SLC4A7: variants seen among roughly 807,000 people sequenced by gnomAD.
SLC4A7 encodes the protein sodium bicarbonate cotransporter 3.
SLC4A7 carries 51 observed loss-of-function variants against 137.6 expected under a neutral mutation model. That is an observed-to-expected ratio of 0.37 (90% CI 0.30 to 0.47). The LOEUF is 0.47. Among genes scored for constraint, SLC4A7 ranks in the 20% least tolerant of loss-of-function variants. The pLI is 1.00. For synonymous variants in SLC4A7, 542 were observed against 518.6 expected (o/e 1.05, Z -0.61); for missense variants, 1,247 against 1,525.4 (o/e 0.82, Z 3.04).
intron 1 of SLC4A7, among the ~76,000 whole-genome samples, chr3:27,461,024 C>G (rs1476199171): frequency 6.6e-6 from 1 of 152,110 alleles, no homozygotes; most frequent in Admixed American, 6.5e-5. Context: ...CAAGAGCAAA[C>G]ATACTAAAGT....
chr3:27,416,851 A>G (rs1426123596), intron 11 of SLC4A7, among the ~76,000 whole-genome samples: 1 of 152,230 alleles, frequency 6.6e-6, no homozygotes, highest in East Asian at 1.9e-4. Flanking sequence ...AACTGGTGAG[A>G]GACACTCCAT....
chr3:27,407,928 G>C (rs2053542514), intron 13 of SLC4A7, among the ~76,000 whole-genome samples: 1 of 152,098 alleles, frequency 6.6e-6, no homozygotes, highest in East Asian at 1.9e-4. Flanking sequence ...CACACTCTGG[G>C]ACCGTATCTC....
Position 27,434,097 on chromosome 3 carries a change from T to C in SLC4A7, c.597A>G (p.Val199=). ...ASTLDEIADM[V]LDNMIASGQL... ...GGCCAGAAGCTATCATGTTGTCTAA[T>C]ACCATATCTATTCAATGAAAAAAAA... The change falls in exon 6 of 26, where the codon GTA becomes GTG. Residue 199 remains valine (V), a synonymous_variant. Coordinates refer to ENST00000454389, the MANE Select transcript of SLC4A7 (RefSeq NM_001321103.2). 3 of 1,598,340 alleles carry C rather than the reference T, an allele frequency of 1.9e-6. No homozygotes were observed. Among genetic ancestry groups the C allele is most frequent in the Non-Finnish European group, 2.6e-6 (3 of 1,173,568 alleles).
At chr3:27,379,168 TGAAA>T (rs753442251) in intron 25 of SLC4A7, 77 bp downstream of exon 25, 23 of 717,784 alleles carry the variant, frequency 3.2e-5, no homozygotes, top group Admixed American at 8.5e-5. Context: ...AAATGATGGA[TGAAA>T]GAAAGAAAGG....
At chr3:27,443,788 T>A (rs1043261456) in intron 3 of SLC4A7, among the ~76,000 whole-genome samples, 8 of 152,228 alleles carry the variant, frequency 5.3e-5, no homozygotes, top group African/African-American at 1.9e-4. Flanking sequence ...GTTACCTGCC[T>A]GTACTATTTT....
At chr3:27,454,760 A>T (rs987863847) in intron 1 of SLC4A7, among the ~76,000 whole-genome samples, 1 of 152,226 alleles carries the variant, frequency 6.6e-6, no homozygotes, top group African/African-American at 2.4e-5. Flanking sequence ...CATACTGCCT[A>T]TTCTAAAAGG....
In SLC4A7 at chr3:27,409,348, G is replaced by A. The variant is rs1195959685; in HGVS notation, c.1941+8C>T. ...AAAAGCCTGGCCACTACCAATCTTT[G>A]TACTCACTATTCTGCCTTCTGTAGC... On this transcript the variant is annotated splice_region_variant and intron_variant, in intron 13 of 25. Transcript: ENST00000454389. 6.3e-7 allele frequency: 1 copy of A among 1,595,894 alleles called. No homozygotes were observed. The highest frequency in any genetic ancestry group is 1.8e-5 in the Admixed American group (1 of 55,808).
In SLC4A7 at chr3:27,436,530, C is replaced by T. The variant is rs2056750641; in HGVS notation, c.447G>A (p.Glu149=). The T allele has an allele frequency of 1.2e-6, 2 of 1,608,574 alleles. No individual in the cohort carries two copies. The highest frequency in any genetic ancestry group is 1.7e-6 in the Non-Finnish European group (2 of 1,176,860). ...ATCGGTCACCGCCATCTTCAACATC[C>T]TCTTCAAATTTCAGCCATCTGAATG... is the stretch of plus-strand genomic sequence containing the variant. ...KETARWLKFE[E]DVEDGGDRWS... is the part of the protein sequence containing the mutation. Residue 149 remains glutamate, a synonymous_variant, in exon 5 of 26, where the codon GAG becomes GAA. Coordinates refer to ENST00000454389, the MANE Select transcript of SLC4A7 (RefSeq NM_001321103.2).
chr3:27,380,030 C>T (rs534315162), intron 24 of SLC4A7, among the ~76,000 whole-genome samples: 170 of 152,230 alleles, frequency 1.1e-3, no homozygotes, highest in Admixed American at 3.5e-3. Flanking sequence ...CAGAGTAGGC[C>T]GGGCATGGTG....
At chr3:27,404,146 G>A (rs769684436) in intron 14 of SLC4A7, among the ~76,000 whole-genome samples, 1 of 152,228 alleles carries the variant, frequency 6.6e-6, no homozygotes, top group Non-Finnish European at 1.5e-5. Context: ...CGAGGCAGGT[G>A]GAACACTTGA....
chr3:27,403,790 C>T (rs1184025568), intron 14 of SLC4A7, among the ~76,000 whole-genome samples: 1 of 151,816 alleles, frequency 6.6e-6, no homozygotes, highest in East Asian at 1.9e-4. Flanking sequence ...TCATATGTAT[C>T]AATACAGTAA....
chr3:27,395,164 C>T lies in SLC4A7; in HGVS notation c.2704-49G>A, dbSNP rs374261508. ...TTCAAAAAGTCTCCTTGCTGTATTG[C>T]ACTAAATTTCCATAACATAGACTTG... On this transcript the variant is annotated intron_variant, in intron 18 of 25. Transcript: ENST00000454389. 1.4e-5 allele frequency: 19 copies of T among 1,371,252 alleles called. No homozygotes were observed. The African/African-American group carries it at 2.2e-4, about 16-fold the overall frequency. 84.9% of individuals were successfully genotyped at this position (1,371,252 alleles called of 1,614,324 possible). A position where few individuals can be genotyped will look rare whatever the true frequency, so the allele number is the denominator to read the frequency against.
chr3:27,395,279 T>C (rs9826279), intron 18 of SLC4A7, among the ~76,000 whole-genome samples, 164 bp from the exon 19 acceptor site: 6,036 of 152,272 alleles, frequency 0.04, 133 homozygotes, highest in East Asian at 0.067. Flanking sequence ...ACAGTAATTC[T>C]TCCTATCCCT....
At chr3:27,414,973 T>C (rs1194687800) in intron 11 of SLC4A7, among the ~76,000 whole-genome samples, 3 of 152,250 alleles carry the variant, frequency 2.0e-5, no homozygotes, top group Non-Finnish European at 4.4e-5. Context: ...TGGCTTTTTC[T>C]ATAATAATGA....
At chr3:27,425,305 G>C (rs568702340) in intron 7 of SLC4A7, among the ~76,000 whole-genome samples, 1 of 146,304 alleles carries the variant, frequency 6.8e-6, no homozygotes, top group Admixed American at 7.0e-5. Flanking sequence ...AGGAGGCGGA[G>C]GTTGCAGTGA....
intron 5 of SLC4A7, among the ~76,000 whole-genome samples, chr3:27,435,523 C>T (rs1170024638): frequency 1.3e-5 from 2 of 152,096 alleles, no homozygotes; most frequent in Admixed American, 6.6e-5. Flanking sequence ...CCATCAAGAC[C>T]ACCAAAATGC....
intron 1 of SLC4A7, among the ~76,000 whole-genome samples, chr3:27,455,064 T>C (rs905138155): frequency 2.6e-5 from 4 of 151,232 alleles, no homozygotes; most frequent in Non-Finnish European, 4.4e-5. Flanking sequence ...GCTCCCACTA[T>C]ATACTGTCTG....
chr3:27,426,565 C>G (rs149192546), intron 7 of SLC4A7, among the ~76,000 whole-genome samples: 5 of 152,104 alleles, frequency 3.3e-5, no homozygotes, highest in African/African-American at 1.2e-4. Context: ...ATAGTCCTAG[C>G]TGCCAGATAT....
chr3:27,407,537 G>A (rs1390322661), intron 13 of SLC4A7, among the ~76,000 whole-genome samples: 1 of 150,376 alleles, frequency 6.6e-6, no homozygotes, highest in Non-Finnish European at 1.5e-5. Flanking sequence ...CTCACATTCA[G>A]AAGTTTCCAT....
Sources: allele counts gnomAD v4.1 joint callset (sites outside exome capture counted in the v4.1 genomes callset), GRCh38; gene constraint gnomAD v4.1.1; transcripts MANE v1.5; gene names NCBI Gene and HGNC (gene_info 2026-07-23, HGNC 2026-07-21).